The following BMPR2 variants were observed in gnomAD, a reference collection of about 807,000 sequenced individuals.
BMPR2 encodes the protein bone morphogenetic protein receptor type 2.
A neutral mutation model predicts 100.8 loss-of-function variants in BMPR2; 29 were observed. The ratio of observed to expected loss-of-function variants is 0.29; its 90% CI spans 0.21 to 0.39. The LOEUF (loss-of-function observed/expected upper bound fraction) is 0.39, where lower values mean the gene tolerates loss of function less well. Ranked by LOEUF, BMPR2 falls within the 10% of genes least tolerant of loss-of-function variation. The pLI, the probability that BMPR2 is intolerant of heterozygous loss-of-function variation, is 1.00. For synonymous variants in BMPR2, 382 were observed against 442.3 expected (o/e 0.86, Z 1.71); for missense variants, 1,011 against 1,274.5 (o/e 0.79, Z 3.15).
chr2:202,396,874 G>A (rs1384327615), intron 1 of BMPR2, among the ~76,000 whole-genome samples: 2 of 151,752 alleles, frequency 1.3e-5, no homozygotes, highest in East Asian at 1.9e-4. Context: ...CTCGGCTCAA[G>A]GCAACCTCTG....
chr2:202,404,198 T>C (rs1690833146), intron 1 of BMPR2, among the ~76,000 whole-genome samples: 1 of 150,368 alleles, frequency 6.7e-6, no homozygotes, highest in African/African-American at 2.4e-5. Context: ...TGGGTTGTTT[T>C]TTTTTTTTTT....
chr2:202,480,690 A>G (rs182611780), intron 3 of BMPR2, among the ~76,000 whole-genome samples: 4 of 151,978 alleles, frequency 2.6e-5, no homozygotes, highest in African/African-American at 4.8e-5. Flanking sequence ...ACGGTGGCTC[A>G]TGCCTGTAAT....
At chr2:202,514,383 G>A (rs1040882756) in intron 4 of BMPR2, among the ~76,000 whole-genome samples, 14 of 152,110 alleles carry the variant, frequency 9.2e-5, no homozygotes, top group Admixed American at 3.3e-4. Context: ...TGATCCGCCC[G>A]CCTTGGCCTC....
chr2:202,515,535 C>T (rs1157088812), intron 5 of BMPR2, among the ~76,000 whole-genome samples: 1 of 149,658 alleles, frequency 6.7e-6, no homozygotes, highest in Non-Finnish European at 1.5e-5. Context: ...CGCACCATTG[C>T]ACTCTAGCCT....
intron 1 of BMPR2, among the ~76,000 whole-genome samples, chr2:202,380,755 G>A (rs1221799489): frequency 2.7e-4 from 41 of 150,994 alleles, no homozygotes; most frequent in African/African-American, 9.5e-4. Flanking sequence ...GGGTAGCTGG[G>A]ATTACAGGCA....
intron 1 of BMPR2, among the ~76,000 whole-genome samples, chr2:202,424,461 G>T (rs990460749): frequency 4.0e-5 from 6 of 151,552 alleles, no homozygotes; most frequent in African/African-American, 1.5e-4. Context: ...ACTTTTGGAG[G>T]CTGAGGCGGG....
rs1253256795 is a variant in BMPR2, at chr2:202,564,785, C to A, written c.*4839C>A. 2 of 152,256 alleles carry A rather than the reference C, an allele frequency of 1.3e-5. No homozygotes were observed. Among genetic ancestry groups the A allele is most frequent in the African/African-American group, 4.8e-5 (2 of 41,440 alleles). 9.4% of individuals were successfully genotyped at this position (152,256 alleles called of 1,614,324 possible). A position where few individuals can be genotyped will look rare whatever the true frequency, so the allele number is the denominator to read the frequency against. ...TAGTTAGGCTGGGCGCGGTGGCTCA[C>A]GCCTGTAATCCCAGCACTTTGGGAG... is the stretch of plus-strand genomic sequence containing the variant. On this transcript the variant is annotated 3_prime_UTR_variant, in exon 13 of 13. Transcript: ENST00000374580.
rs1181095058 is a variant in BMPR2, at chr2:202,423,929, A to G, written c.77-40880A>G. On this transcript the variant is annotated intron_variant, in intron 1 of 12. Coordinates refer to ENST00000374580, the MANE Select transcript of BMPR2 (RefSeq NM_001204.7). ...AATTATATTTGTTTAATTACATACCACGGATGTGGTGGCCCGTGCAGACGT... is the reference window on the plus strand; with the variant it reads ...AATTATATTTGTTTAATTACATACCGCGGATGTGGTGGCCCGTGCAGACGT... Among the ~76,000 whole-genome samples, 8 of 151,916 alleles carry G rather than the reference A, an allele frequency of 5.3e-5. No homozygotes were observed. The East Asian group carries it at 9.7e-4, about 18-fold the overall frequency.
intron 1 of BMPR2, among the ~76,000 whole-genome samples, chr2:202,377,988 C>G (rs968690392): frequency 6.6e-6 from 1 of 152,210 alleles, no homozygotes; most frequent in African/African-American, 2.4e-5. Flanking sequence ...AGAACACACA[C>G]TTGAACCTTA....
At chr2:202,431,380 G>A (rs1430083472) in intron 1 of BMPR2, among the ~76,000 whole-genome samples, 4 of 150,616 alleles carry the variant, frequency 2.7e-5, no homozygotes, top group African/African-American at 1.0e-4. Flanking sequence ...TGTTAATACT[G>A]CTTTTCAGTG....
At chr2:202,438,998 G>A (rs73052714) in intron 1 of BMPR2, among the ~76,000 whole-genome samples, 2,152 of 150,552 alleles carry the variant, frequency 0.014, 247 homozygotes, top group African/African-American at 0.05. Context: ...ATTTCTACTC[G>A]AAAGGCAGCT....
intron 1 of BMPR2, among the ~76,000 whole-genome samples, chr2:202,435,363 CA>C (rs1261066321): frequency 1.9e-4 from 13 of 68,120 alleles, no homozygotes; most frequent in East Asian, 3.0e-4. Context: ...GATCCTGTCT[CA>C]AAAAAAAAAT....
At position 202,527,809 on chromosome 2, in the gene BMPR2, T is replaced by A. The variant is rs530009200; in HGVS notation, c.968-2985T>A. 1.6e-3 allele frequency among the ~76,000 whole-genome samples: 243 copies of A among 151,578 alleles called. 1 individual carries two copies. The highest frequency in any genetic ancestry group is 5.6e-3 in the African/African-American group (230 of 41,374). On this transcript the variant is annotated intron_variant, in intron 7 of 12. Transcript: ENST00000374580. ...ACTCCATCTCAAAAAAAAATAATAA[T>A]AAAAAAATAAATAAATAAATAAAAA...
chr2:202,507,840 C>T (rs568817387), intron 3 of BMPR2, among the ~76,000 whole-genome samples: 4 of 151,808 alleles, frequency 2.6e-5, no homozygotes, highest in East Asian at 1.9e-4. Context: ...GCTGGGATTA[C>T]AGGCATGTGC....
intron 1 of BMPR2, among the ~76,000 whole-genome samples, chr2:202,417,197 C>T (rs1480372937): frequency 2.7e-5 from 4 of 150,364 alleles, no homozygotes; most frequent in Non-Finnish European, 1.5e-5. Flanking sequence ...AGTGCAGTGG[C>T]ACGATCTTGG....
intron 1 of BMPR2, among the ~76,000 whole-genome samples, chr2:202,405,501 A>G (rs1690870592): frequency 6.6e-6 from 1 of 152,042 alleles, no homozygotes; most frequent in Admixed American, 6.6e-5. Context: ...ATCTTGGCTA[A>G]CACGGTGAAA....
rs138912351 is a variant in BMPR2 at position 202,557,387 on chromosome 2, C to T, written c.2866+856C>T. On this transcript the variant is annotated intron_variant, in intron 12 of 12. Coordinates refer to ENST00000374580, the MANE Select transcript of BMPR2 (RefSeq NM_001204.7). ...GCTGAGGCAGAGAATTGCTTGAACC[C>T]AGGAGGCGGAGGTTGCAATGAGCCG... Among the ~76,000 whole-genome samples, 708 of 151,980 alleles carry T rather than the reference C, an allele frequency of 4.7e-3. 1 individual carries two copies. Among genetic ancestry groups the T allele is most frequent in the Non-Finnish European group, 8.4e-3 (568 of 67,976 alleles).
At position 202,532,494 on chromosome 2, in the gene BMPR2, G is replaced by A. The variant is rs952618844; in HGVS notation, c.1129-91G>A. On this transcript the variant is annotated intron_variant, in intron 8 of 12. Transcript: ENST00000374580. The surrounding 1 kb of genome is among the most constrained non-coding windows in gnomAD (Gnocchi z 4.1). ...GGTTAGGGTCAAATAACATTGACAT[G>A]ACTAAGATTTATATATAACTTCTGG... 4 of 1,462,806 alleles carry A rather than the reference G, an allele frequency of 2.7e-6. No individual in the cohort carries two copies. Among genetic ancestry groups the A allele is most frequent in the African/African-American group, 2.8e-5 (2 of 71,366 alleles). The allele number at this position is 1,462,806 out of a possible 1,614,324, so 90.6% of individuals were successfully genotyped here.
intron 1 of BMPR2, among the ~76,000 whole-genome samples, chr2:202,392,669 A>G (rs1381582655): frequency 2.0e-5 from 3 of 152,094 alleles, no homozygotes; most frequent in Non-Finnish European, 2.9e-5. Context: ...TAAGAGCTGT[A>G]GTTGTTTGAG....
Sources: gnomAD v4.1 joint callset for allele counts (sites outside exome capture counted in the v4.1 genomes callset) on GRCh38, gnomAD v4.1.1 for gene constraint, Gnocchi (gnomAD v3.1) non-coding constraint, MANE v1.5 for transcripts, NCBI Gene and HGNC (gene_info 2026-07-23, HGNC 2026-07-21) for gene names.